Variants in PARM1 observed in about 807,000 individuals in gnomAD.
The protein encoded by PARM1 is WSC4, cell wall integrity and stress response component 4 homolog.
PARM1 carries 14 observed loss-of-function variants against 24.6 expected under a neutral mutation model. The observed-to-expected ratio is 0.57, with a 90% CI of 0.38 to 0.89. PARM1 has a LOEUF of 0.89. Ranked by LOEUF, PARM1 falls within the 40% of genes least tolerant of loss-of-function variation. The probability of loss-of-function intolerance (pLI) is 0.00; values close to 1 mark genes in which losing one functional copy is unlikely to be tolerated. For missense variants in PARM1, 362 were observed against 380.4 expected (o/e 0.95, Z 0.40); for synonymous variants, 179 against 156.6 (o/e 1.14, Z -1.07).
intron 1 of PARM1, chr4:74,997,926 T>G (rs1431580017): frequency 6.6e-6 from 1 of 152,228 alleles, no homozygotes; most frequent in Non-Finnish European, 1.5e-5. Context: ...GTAAAATTAT[T>G]CTTTGAGTTG....
At chr4:75,017,007 G>A (rs988520811) in intron 2 of PARM1, among the ~76,000 whole-genome samples, 3 of 152,084 alleles carry the variant, frequency 2.0e-5, no homozygotes, top group African/African-American at 7.2e-5. Flanking sequence ...TGTGCCCCTT[G>A]ATCATTTCCT....
intron 1 of PARM1, among the ~76,000 whole-genome samples, chr4:74,978,231 T>G (rs1722174624): frequency 1.3e-5 from 2 of 152,206 alleles, no homozygotes; most frequent in Non-Finnish European, 2.9e-5. Flanking sequence ...CCATCTCATG[T>G]GCAAAGACCC....
intron 3 of PARM1, among the ~76,000 whole-genome samples, chr4:75,044,742 A>T (rs960698263): frequency 7.6e-5 from 11 of 144,796 alleles, no homozygotes; most frequent in Non-Finnish European, 1.5e-4. Flanking sequence ...TGAGCAATTT[A>T]CAAAAGAAAG....
At chr4:74,985,412 G>T (rs1262540463) in intron 1 of PARM1, among the ~76,000 whole-genome samples, 1 of 152,158 alleles carries the variant, frequency 6.6e-6, no homozygotes, top group African/African-American at 2.4e-5. Context: ...AGATGCTGGG[G>T]CCCATGGAAG....
intron 1 of PARM1, among the ~76,000 whole-genome samples, chr4:74,980,398 A>G (rs1039157952): frequency 6.6e-6 from 1 of 152,148 alleles, no homozygotes; most frequent in African/African-American, 2.4e-5. Context: ...ACCTCGGAAT[A>G]CAGTTAATAA....
intron 1 of PARM1, among the ~76,000 whole-genome samples, chr4:74,936,126 T>C (rs1368194331): frequency 6.6e-6 from 1 of 152,220 alleles, no homozygotes; most frequent in Non-Finnish European, 1.5e-5. Flanking sequence ...TGAGCCACTG[T>C]GCCCAGCCTC....
At chr4:75,008,141 G>A (rs1722807479) in intron 1 of PARM1, among the ~76,000 whole-genome samples, 1 of 152,188 alleles carries the variant, frequency 6.6e-6, no homozygotes, top group Admixed American at 6.5e-5. Context: ...ATTATGGAAT[G>A]TACCATCAAA....
chr4:75,025,017 A>G (rs370947865), intron 2 of PARM1, among the ~76,000 whole-genome samples: 3 of 152,288 alleles, frequency 2.0e-5, no homozygotes. Flanking sequence ...TTTTATCCAT[A>G]GTCATGTCTT....
At chr4:75,016,367 G>T (rs976913383) in intron 2 of PARM1, among the ~76,000 whole-genome samples, 5 of 152,146 alleles carry the variant, frequency 3.3e-5, no homozygotes, top group African/African-American at 1.2e-4. Context: ...TACATTGCCA[G>T]ATCTAAGGGT....
At chr4:74,975,833 G>A (rs968994758) in intron 1 of PARM1, among the ~76,000 whole-genome samples, 1 of 152,168 alleles carries the variant, frequency 6.6e-6, no homozygotes. Flanking sequence ...AGCAGCTGCT[G>A]TCAGTGGCTC....
rs1261485976 is a variant in PARM1 at position 75,033,408 on chromosome 4, A to G, written c.770-475A>G. Among the ~76,000 whole-genome samples, 6 of 152,312 alleles carry G rather than the reference A, an allele frequency of 3.9e-5. No individual in the cohort carries two copies. The East Asian group carries it at 1.2e-3, about 29-fold the overall frequency. On this transcript the variant is annotated intron_variant, in intron 2 of 3. Transcript: ENST00000307428. ...CCAATATTTTTATGAAAAAACCGAA[A>G]AAAACATTACTTTGCACTGACCCTT...
In PARM1 at chr4:75,021,095, A is replaced by G. The variant is rs114655905; in HGVS notation, c.769+7945A>G. Among the ~76,000 whole-genome samples the G allele has an allele frequency of 2.7e-3, 405 of 152,350 alleles. 3 individuals carry two copies. The highest frequency in any genetic ancestry group is 7.8e-3 in the African/African-American group (323 of 41,588). On this transcript the variant is annotated intron_variant, in intron 2 of 3. Transcript: ENST00000307428. ...CACCTAACAGTGTCTGGCTCAGTGT[A>G]GGTTTTCAATAAATGTCCAATGAAT...
At chr4:75,002,647 C>A (rs189420126) in intron 1 of PARM1, among the ~76,000 whole-genome samples, 2 of 152,234 alleles carry the variant, frequency 1.3e-5, no homozygotes, top group African/African-American at 4.8e-5. Flanking sequence ...GCAGAACATT[C>A]AAAGTGATGC....
intron 1 of PARM1, among the ~76,000 whole-genome samples, chr4:74,951,587 C>T (rs1467336271): frequency 2.0e-5 from 3 of 152,126 alleles, no homozygotes; most frequent in Non-Finnish European, 2.9e-5. Context: ...TGTCCCTCCC[C>T]TAGCCCCCAA....
intron 1 of PARM1, among the ~76,000 whole-genome samples, chr4:74,975,767 GTAGAAAAT>G: frequency 6.6e-6 from 1 of 152,178 alleles, no homozygotes; most frequent in East Asian, 1.9e-4. Flanking sequence ...TATAGATATT[GTAGAAAAT>G]TAGAACATTG....
intron 1 of PARM1, among the ~76,000 whole-genome samples, chr4:74,995,061 T>A (rs1285305108): frequency 6.6e-6 from 1 of 152,148 alleles, no homozygotes; most frequent in Non-Finnish European, 1.5e-5. Context: ...TAAATTTTTG[T>A]CAACTAAAGG....
chr4:75,007,826 ACT>A (rs1262899509), intron 1 of PARM1, among the ~76,000 whole-genome samples: 1 of 151,992 alleles, frequency 6.6e-6, no homozygotes, highest in East Asian at 1.9e-4. Context: ...TAAAGAACTT[ACT>A]CTCTGTCTTC....
intron 1 of PARM1, among the ~76,000 whole-genome samples, chr4:74,964,348 C>G (rs1382485424): frequency 2.0e-5 from 3 of 152,182 alleles, no homozygotes; most frequent in African/African-American, 2.4e-5. Context: ...TTAGTCCCCC[C>G]ACTTCAGACA....
At chr4:75,027,072 T>C (rs1452583428) in intron 2 of PARM1, among the ~76,000 whole-genome samples, 1 of 152,146 alleles carries the variant, frequency 6.6e-6, no homozygotes, top group Non-Finnish European at 1.5e-5. Flanking sequence ...TTCCCAACTC[T>C]TTCCAAGACT....
Sources: gnomAD v4.1 joint callset for allele counts (sites outside exome capture counted in the v4.1 genomes callset) on GRCh38, gnomAD v4.1.1 for gene constraint, MANE v1.5 for transcripts, NCBI Gene and HGNC (gene_info 2026-07-23, HGNC 2026-07-21) for gene names.